Variants in CHRFAM7A observed in about 807,000 individuals in gnomAD.
CHRFAM7A encodes the protein CHRNA7 (exons 5-10) and FAM7A (exons A-E) fusion.
In CHRFAM7A, 3 loss-of-function variants were observed where a neutral mutation model predicts 29.2. That is an observed-to-expected ratio of 0.10 (90% CI 0.05 to 0.27). The LOEUF is 0.27. Among genes scored for constraint, CHRFAM7A ranks in the 10% least tolerant of loss-of-function variants. The pLI, the probability that CHRFAM7A is intolerant of heterozygous loss-of-function variation, is 1.00. For missense variants in CHRFAM7A, 22 were observed against 328.0 expected, an observed-to-expected ratio of 0.07 and a Z score of 7.21; for synonymous variants, 7 against 135.4, an observed-to-expected ratio of 0.05 and a Z score of 6.58.
upstream of CHRFAM7A, chr15:30,393,736 C>T (rs1260114560): frequency 5.0e-5 from 1 of 19,874 alleles, no homozygotes; most frequent in Non-Finnish European, 1.1e-4. Flanking sequence ...CCGGCGCGCC[C>T]CGCGCGCACC....
chr15:30,371,749 G>A (rs1245368390), intron 7 of CHRFAM7A, among the ~76,000 whole-genome samples: 2 of 145,126 alleles, frequency 1.4e-5, no homozygotes, highest in Admixed American at 7.0e-5. Flanking sequence ...GGGAGTGATT[G>A]TAAGAATTAC....
rs2058741363 is a variant in CHRFAM7A, at chr15:30,361,488, TG to T, written c.*804del. The T allele has an allele frequency of 7.0e-6, 1 of 142,170 alleles. No individual in the cohort carries two copies. The highest frequency in any genetic ancestry group is 2.8e-5 in the African/African-American group (1 of 35,480). 8.8% of individuals were successfully genotyped at this position (142,170 alleles called of 1,614,324 possible). A position where few individuals can be genotyped will look rare whatever the true frequency, so the allele number is the denominator to read the frequency against. On this transcript the variant is annotated 3_prime_UTR_variant, in exon 10 of 10. Coordinates refer to ENST00000299847, the MANE Select transcript of CHRFAM7A (RefSeq NM_139320.2). ...TCTAGTAGAACTCTTATTTGTCCTA[TG>T]GGTTCTGCAGAATAGAACAGATTTG...
intron 5 of CHRFAM7A, among the ~76,000 whole-genome samples, chr15:30,373,967 G>GA (rs1408828754): frequency 2.1e-5 from 3 of 140,110 alleles, no homozygotes; most frequent in African/African-American, 5.4e-5. Flanking sequence ...CTGTCTGTAA[G>GA]AAAAAAAGTT....
chr15:30,375,531 G>A (rs1322977317), intron 5 of CHRFAM7A, among the ~76,000 whole-genome samples: 4 of 150,694 alleles, frequency 2.7e-5, no homozygotes, highest in African/African-American at 9.8e-5. Flanking sequence ...TGTGTGGTAT[G>A]TGAGTGGTGT....
Position 30,369,118 on chromosome 15 carries a change from TA to T in CHRFAM7A, c.611-1592del, listed in dbSNP as rs533382193. On this transcript the variant is annotated intron_variant, in intron 8 of 9. Coordinates refer to ENST00000299847, the MANE Select transcript of CHRFAM7A (RefSeq NM_139320.2). ...TCATGAATGGGATTAGAGTCCTTCA[TA>T]AAAAGAGGCTAAAGAGCTAATTCAC... Among the ~76,000 whole-genome samples, 523 of 145,280 alleles carry T rather than the reference TA, an allele frequency of 3.6e-3. 17 individuals are homozygous for T. The highest frequency in any genetic ancestry group is 0.013 in the African/African-American group (505 of 38,478).
intron 5 of CHRFAM7A, among the ~76,000 whole-genome samples, chr15:30,374,084 G>A (rs1195132615): frequency 1.6e-5 from 2 of 121,428 alleles, no homozygotes; most frequent in Non-Finnish European, 3.4e-5. Context: ...GCTATTCCAG[G>A]CTAGGACAGG....
intron 5 of CHRFAM7A, among the ~76,000 whole-genome samples, chr15:30,373,657 T>C (rs1007203648): frequency 1.9e-5 from 2 of 103,104 alleles, no homozygotes; most frequent in African/African-American, 7.5e-5. Context: ...TTTTAACTAA[T>C]TTAAATTCTA....
intron 9 of CHRFAM7A, among the ~76,000 whole-genome samples, chr15:30,363,387 G>A (rs2140856433): frequency 6.9e-6 from 1 of 144,506 alleles, no homozygotes; most frequent in Admixed American, 7.1e-5. Flanking sequence ...GTTTTTCAAA[G>A]TACCCTGATA....
intron 5 of CHRFAM7A, among the ~76,000 whole-genome samples, chr15:30,376,109 G>A (rs1313728535): frequency 2.9e-5 from 4 of 137,054 alleles, no homozygotes; most frequent in African/African-American, 7.8e-5. Flanking sequence ...TGAGTGGTGT[G>A]TGTGAGTACT....
At chr15:30,376,211 T>C (rs1269134228) in intron 5 of CHRFAM7A, among the ~76,000 whole-genome samples, 60 of 138,672 alleles carry the variant, frequency 4.3e-4, no homozygotes, top group Admixed American at 7.9e-4. Flanking sequence ...TGGTTGTGAG[T>C]GGTGTGTGTG....
At chr15:30,371,290 TG>T in intron 7 of CHRFAM7A, 106 bp from the exon 8 acceptor site, 4 of 726,426 alleles carry the variant, frequency 5.5e-6, no homozygotes, top group South Asian at 1.8e-5. Context: ...AGGGAGGCGC[TG>T]GGGGGAATGT....
At chr15:30,374,290 G>A (rs1156681167) in intron 5 of CHRFAM7A, among the ~76,000 whole-genome samples, 1 of 97,250 alleles carries the variant, frequency 1.0e-5, no homozygotes, top group African/African-American at 4.2e-5. Flanking sequence ...CAGAAAGAGT[G>A]CACGCAGGAA....
chr15:30,371,333 G>C, intron 7 of CHRFAM7A, 149 bp from the exon 8 acceptor site: 2 of 964,626 alleles, frequency 2.1e-6, no homozygotes, highest in Admixed American at 4.2e-5. Flanking sequence ...ATGTATGGGC[G>C]TGTGCATTTT....
In CHRFAM7A at chr15:30,365,801, C is replaced by CT. The variant is rs1165285566; in HGVS notation, c.720+1616dup. On this transcript the variant is annotated intron_variant, in intron 9 of 9. Transcript: ENST00000299847. Reference sequence around the variant, plus strand: ...CTTGTGTAATGAGCTACAAGTGAGTCTTTTTTTTTTTTTTTTTTTTTTTTT... The same window carrying CT: ...CTTGTGTAATGAGCTACAAGTGAGTCTTTTTTTTTTTTTTTTTTTTTTTTTT... 5.4e-5 allele frequency among the ~76,000 whole-genome samples: 4 copies of CT among 74,250 alleles called. 2 individuals carry two copies. The highest frequency in any genetic ancestry group is 4.8e-5 in the Non-Finnish European group (2 of 42,020). 48.7% of individuals were successfully genotyped at this position (74,250 alleles called of 152,430 possible).
Position 30,367,244 on chromosome 15 carries a change from C to A in CHRFAM7A, c.720+174G>T, listed in dbSNP as rs868548225. ...GAGGTTGCAGTGAGCCAAGATTACA[C>A]CACTGCACTCCAGCCTGGGTGACAT... On this transcript the variant is annotated intron_variant, in intron 9 of 9. Transcript: ENST00000299847. Among the ~76,000 whole-genome samples the A allele has an allele frequency of 4.1e-3, 627 of 151,166 alleles. 8 individuals carry two copies. Among genetic ancestry groups the A allele is most frequent in the Middle Eastern group, 0.021 (6 of 290 alleles).
intron 5 of CHRFAM7A, among the ~76,000 whole-genome samples, chr15:30,376,041 T>G (rs2058930228): frequency 6.6e-6 from 1 of 151,884 alleles, no homozygotes; most frequent in Non-Finnish European, 1.5e-5. Flanking sequence ...GGTGTGTGTG[T>G]TGTGTGAACA....
Position 30,377,054 on chromosome 15 carries a change from CAG to C in CHRFAM7A, c.134_135del (p.Ser45TrpfsTer25). On this transcript the variant is annotated frameshift_variant, in exon 5 of 10. Coordinates refer to ENST00000299847, the MANE Select transcript of CHRFAM7A (RefSeq NM_139320.2). LOFTEE classifies it high-confidence loss of function. Reference protein sequence around the residue: ...TFHTNVLVNSSGHCQYLPPGI... With the variant: ...TFHTNVLVNSXGHCQYLPPGI... The stretch of plus-strand genomic sequence containing the variant: ...CCTGGAGGCAGGTACTGGCAATGCC[CAG>C]AAGAATTCACCAACACGTTAGTGTG... The C allele has an allele frequency of 2.5e-5, 3 of 118,744 alleles. No homozygotes were observed. Among genetic ancestry groups the C allele is most frequent in the Non-Finnish European group, 4.3e-5 (3 of 69,082 alleles). The allele number at this position is 118,744 out of a possible 1,614,324, so 7.4% of individuals were successfully genotyped here. A position where few individuals can be genotyped will look rare whatever the true frequency, so the allele number is the denominator to read the frequency against.
chr15:30,375,654 GGT>G (rs1300887562), intron 5 of CHRFAM7A, among the ~76,000 whole-genome samples: 1 of 148,802 alleles, frequency 6.7e-6, no homozygotes, highest in South Asian at 2.2e-4. Context: ...GTGTGTAAGT[GGT>G]GTGTGTGAGG....
intron 4 of CHRFAM7A, among the ~76,000 whole-genome samples, chr15:30,377,760 A>C (rs1203035401): frequency 1.4e-5 from 2 of 144,870 alleles, no homozygotes; most frequent in African/African-American, 5.3e-5. Context: ...TATTTTTAGT[A>C]GAGACGGGGG....
Sources: allele counts gnomAD v4.1 joint callset (sites outside exome capture counted in the v4.1 genomes callset), GRCh38; gene constraint gnomAD v4.1.1; transcripts MANE v1.5; gene names NCBI Gene and HGNC (gene_info 2026-07-23, HGNC 2026-07-21).